Variants in OPN3 observed in about 807,000 individuals in gnomAD.
OPN3 encodes the protein opsin 3.
A neutral mutation model predicts 33.8 loss-of-function variants in OPN3; 29 were observed. That is an observed-to-expected ratio of 0.86 (90% CI 0.64 to 1.17). OPN3 has a LOEUF of 1.17. Among genes scored for constraint, OPN3 ranks in the 50% most tolerant of loss-of-function variants. The pLI, the probability that OPN3 is intolerant of heterozygous loss-of-function variation, is 0.00. For synonymous variants in OPN3, 216 were observed against 216.1 expected (o/e 1.00, Z 0.00); for missense variants, 437 against 514.1 (o/e 0.85, Z 1.45).
intron 2 of OPN3, chr1:241,600,934 A>C (rs663415): frequency 0.14 from 21,283 of 152,034 alleles, 2,303 homozygotes; most frequent in African/African-American, 0.27. Flanking sequence ...AGGGAGGTAA[A>C]CAGGGAGGAT....
intron 1 of OPN3, chr1:241,632,811 G>A (rs1367250772): frequency 6.6e-6 from 1 of 151,906 alleles, no homozygotes; most frequent in Admixed American, 6.6e-5. Flanking sequence ...AAAAACCTTG[G>A]GTAATCTATT....
Position 241,640,073 on chromosome 1 carries a change from A to G in OPN3, c.182T>C (p.Leu61Pro). ...GAACTTGTAGTAGAGGACGAGCACC[A>G]GCAGGTTGTTGCCGACGCCCAGCAG... Reference protein sequence around the residue: ...IGLLGVGNNLLVLVLYYKFQR... With the variant: ...IGLLGVGNNLPVLVLYYKFQR... Residue 61 changes from leucine to proline, a missense_variant, in exon 1 of 4, where the codon CTG (leucine) becomes CCG (proline). Coordinates refer to ENST00000366554, the MANE Select transcript of OPN3 (RefSeq NM_014322.3). 6.2e-7 allele frequency: 1 copy of G among 1,611,284 alleles called. No homozygotes were observed. Among genetic ancestry groups the G allele is most frequent in the Non-Finnish European group, 8.5e-7 (1 of 1,179,016 alleles).
intron 1 of OPN3, among the ~76,000 whole-genome samples, chr1:241,626,362 CTTTG>C (rs147091596): frequency 0.022 from 3,307 of 152,248 alleles, 51 homozygotes; most frequent in South Asian, 0.038. Flanking sequence ...TACACATAGT[CTTTG>C]TTTGAAAGGA....
Position 241,640,189 on chromosome 1 carries a change from C to A in OPN3, c.66G>T (p.Glu22Asp). Residue 22 changes from glutamate to aspartate, a missense_variant, in exon 1 of 4, where the codon GAG (glutamate) becomes GAT (aspartate). Transcript: ENST00000366554. ...TCAGTGTCCCCGCCGGCGCCGGCCC[C>A]TCAGCGCCCGCGGCCCCGCCGCCGT... ...YWDGGGAAGAEGPAPAGTLSP... is the reference protein window; with the variant it reads ...YWDGGGAAGADGPAPAGTLSP... 1 of 1,383,932 alleles carries A rather than the reference C, an allele frequency of 7.2e-7. No individual in the cohort carries two copies. The allele number at this position is 1,383,932 out of a possible 1,614,324, so 85.7% of individuals were successfully genotyped here. A position where few individuals can be genotyped will look rare whatever the true frequency, so the allele number is the denominator to read the frequency against.
intron 1 of OPN3, among the ~76,000 whole-genome samples, chr1:241,613,051 T>C (rs1045065611): frequency 6.6e-6 from 1 of 152,232 alleles, no homozygotes; most frequent in African/African-American, 2.4e-5. Context: ...AGAAAACCAG[T>C]ACATTTAATA....
chr1:241,617,379 G>C (rs1415039380), intron 1 of OPN3, among the ~76,000 whole-genome samples: 2 of 152,210 alleles, frequency 1.3e-5, no homozygotes, highest in Admixed American at 6.5e-5. Flanking sequence ...GACCTGCAAT[G>C]ATGAGTCTAG....
At chr1:241,600,033 C>T (rs1162147781) in intron 2 of OPN3, among the ~76,000 whole-genome samples, 3 of 152,194 alleles carry the variant, frequency 2.0e-5, no homozygotes, top group African/African-American at 7.2e-5. Flanking sequence ...GCCTCCCAAA[C>T]CTCCAGTATT....
chr1:241,634,154 A>G, intron 1 of OPN3: 7 of 1,613,572 alleles, frequency 4.3e-6, no homozygotes, highest in Non-Finnish European at 5.1e-6. Context: ...TTCCTCGTTT[A>G]TTTCTGTTTC....
intron 1 of OPN3, among the ~76,000 whole-genome samples, chr1:241,628,155 G>T (rs1001109224): frequency 3.3e-5 from 5 of 152,140 alleles, no homozygotes; most frequent in African/African-American, 9.7e-5. Flanking sequence ...GGGATGCCGT[G>T]CACAAGGCAG....
chr1:241,620,726 G>A (rs1664251147), intron 1 of OPN3, among the ~76,000 whole-genome samples: 1 of 152,010 alleles, frequency 6.6e-6, no homozygotes, highest in South Asian at 2.1e-4. Flanking sequence ...TAAAATTATT[G>A]AGATATTTTA....
Position 241,594,073 on chromosome 1 carries a change from T to C in OPN3, c.*355A>G, listed in dbSNP as rs1573947067. ...TTCACACATGTGTACGCGACAGTTATTTTTACAGTAAGGTATTTTCGAGAA... is the reference window on the plus strand; with the variant it reads ...TTCACACATGTGTACGCGACAGTTACTTTTACAGTAAGGTATTTTCGAGAA... On this transcript the variant is annotated 3_prime_UTR_variant, in exon 4 of 4. Transcript: ENST00000366554. 4.2e-6 allele frequency: 1 copy of C among 240,214 alleles called. No individual in the cohort carries two copies. Among genetic ancestry groups the C allele is most frequent in the East Asian group, 1.1e-4 (1 of 9,504 alleles). The allele number at this position is 240,214 out of a possible 1,614,324, so 14.9% of individuals were successfully genotyped here. A position where few individuals can be genotyped will look rare whatever the true frequency, so the allele number is the denominator to read the frequency against.
chr1:241,601,309 G>A (rs1313338054), intron 2 of OPN3: 1 of 151,878 alleles, frequency 6.6e-6, no homozygotes, highest in African/African-American at 2.4e-5. Context: ...ATGGCAGTGT[G>A]TAAAGAATGG....
At chr1:241,619,823 C>T (rs939166073) in intron 1 of OPN3, among the ~76,000 whole-genome samples, 7 of 152,212 alleles carry the variant, frequency 4.6e-5, no homozygotes, top group African/African-American at 1.7e-4. Context: ...CAGGACAAAT[C>T]ACAGCCTAAC....
intron 2 of OPN3, among the ~76,000 whole-genome samples, chr1:241,598,329 A>G (rs1174375714): frequency 1.3e-5 from 2 of 152,178 alleles, no homozygotes; most frequent in Admixed American, 6.5e-5. Context: ...ACAGCCTGAG[A>G]GAGTCACGAT....
At chr1:241,599,027 C>A (rs1332441742) in intron 2 of OPN3, among the ~76,000 whole-genome samples, 1 of 151,954 alleles carries the variant, frequency 6.6e-6, no homozygotes, top group Admixed American at 6.6e-5. Context: ...CCAAAGAAAT[C>A]ATTTAGAACA....
intron 1 of OPN3, among the ~76,000 whole-genome samples, chr1:241,617,738 C>A (rs934732593): frequency 2.6e-5 from 4 of 152,156 alleles, no homozygotes; most frequent in African/African-American, 4.8e-5. Flanking sequence ...TGATGTGATA[C>A]CTCAGGACCA....
rs1162670533 is a variant in OPN3, at chr1:241,640,247, G to A, written c.8C>T (p.Ser3Leu). 6.3e-6 allele frequency: 8 copies of A among 1,275,590 alleles called. No homozygotes were observed. In the South Asian group the frequency reaches 7.9e-5, roughly 13 times the overall value. The allele number at this position is 1,275,590 out of a possible 1,614,324, so 79.0% of individuals were successfully genotyped here. A position where few individuals can be genotyped will look rare whatever the true frequency, so the allele number is the denominator to read the frequency against. Reference sequence around the variant, plus strand: ...GCCGTGGCCGCCGCTGCGGTTCCCCGAGTACATGGCCCGGCGCCGGCGCGC... The same window carrying A: ...GCCGTGGCCGCCGCTGCGGTTCCCCAAGTACATGGCCCGGCGCCGGCGCGC... MY[S>L]GNRSGGHGYW... The change falls in exon 1 of 4, where the codon TCG (serine) becomes TTG (leucine). Residue 3 changes from serine to leucine, a missense_variant. By Grantham distance (145) the Ser-to-Leu change is moderately radical. Coordinates refer to ENST00000366554, the MANE Select transcript of OPN3 (RefSeq NM_014322.3).
chr1:241,626,280 C>T (rs1489203227), intron 1 of OPN3, among the ~76,000 whole-genome samples: 1 of 152,144 alleles, frequency 6.6e-6, no homozygotes, highest in Non-Finnish European at 1.5e-5. Flanking sequence ...GCTAGCTGGT[C>T]TTTCAATTAG....
intron 2 of OPN3, 141 bp from the exon 3 acceptor site, chr1:241,598,138 T>C (rs116751031): frequency 1.1e-6 from 1 of 947,356 alleles, no homozygotes; most frequent in African/African-American, 1.7e-5. Context: ...GCAGGCTGAC[T>C]TCTGATCCAA....
Sources: allele counts gnomAD v4.1 joint callset (sites outside exome capture counted in the v4.1 genomes callset), GRCh38; gene constraint gnomAD v4.1.1; transcripts MANE v1.5; gene names NCBI Gene and HGNC (gene_info 2026-07-23, HGNC 2026-07-21).